LEMD1: variants seen among roughly 807,000 people sequenced by gnomAD.
LEMD1 encodes LEM domain-containing protein 1.
A neutral mutation model predicts 17.4 loss-of-function variants in LEMD1; 18 were observed. The ratio of observed to expected loss-of-function variants is 1.04; its 90% confidence interval spans 0.72 to 1.54. The LOEUF (loss-of-function observed/expected upper bound fraction) is 1.54. Ranked by LOEUF, LEMD1 falls within the 40% of genes most tolerant of loss-of-function variation. The pLI, the probability that LEMD1 is intolerant of heterozygous loss-of-function variation, is 0.00. For synonymous variants in LEMD1, 88 were observed against 77.8 expected (o/e 1.13, Z -0.69); for missense variants, 195 against 210.4 (o/e 0.93, Z 0.45).
At chr1:205,402,614 G>T (rs1483054086) in intron 4 of LEMD1, among the ~76,000 whole-genome samples, 1 of 152,166 alleles carries the variant, frequency 6.6e-6, no homozygotes, top group Non-Finnish European at 1.5e-5. Context: ...AGACAATGGG[G>T]TGTTCTAGAT....
intron 1 of LEMD1, among the ~76,000 whole-genome samples, chr1:205,444,346 G>A (rs1051421204): frequency 8.6e-5 from 13 of 152,036 alleles, no homozygotes; most frequent in Non-Finnish European, 1.9e-4. Context: ...GTCCAAGATG[G>A]TTTACGGTCT....
At chr1:205,411,240 A>AAAGG (rs1367135076) in intron 4 of LEMD1, among the ~76,000 whole-genome samples, 13 of 148,538 alleles carry the variant, frequency 8.8e-5, no homozygotes, top group East Asian at 2.0e-4. Context: ...GGAGGGAGGG[A>AAAGG]AAGGAAGGAA....
chr1:205,435,128 G>T (rs1666184353), intron 1 of LEMD1: 1 of 152,236 alleles, frequency 6.6e-6, no homozygotes. Context: ...GATATAGATT[G>T]CTACTTTACA....
chr1:205,389,291 C>T (rs1004836481), intron 4 of LEMD1, among the ~76,000 whole-genome samples: 2 of 151,978 alleles, frequency 1.3e-5, no homozygotes, highest in South Asian at 4.2e-4. Context: ...TTAAGTGATC[C>T]ACCCACCTCA....
At chr1:205,418,596 A>G (rs1371220579) in intron 3 of LEMD1, among the ~76,000 whole-genome samples, 1 of 151,888 alleles carries the variant, frequency 6.6e-6, no homozygotes, top group African/African-American at 2.4e-5. Context: ...GCTCACTGCA[A>G]CCTCCGCCTC....
chr1:205,413,744 C>G (rs962826680), intron 4 of LEMD1, among the ~76,000 whole-genome samples: 1 of 151,516 alleles, frequency 6.6e-6, no homozygotes, highest in African/African-American at 2.4e-5. Context: ...CCTCTGCCTC[C>G]CGAGTTCAAG....
chr1:205,433,122 T>C (rs1369531683), intron 1 of LEMD1, among the ~76,000 whole-genome samples: 2 of 152,234 alleles, frequency 1.3e-5, no homozygotes, highest in African/African-American at 4.8e-5. Context: ...ACTTTGCTTG[T>C]ACTTTAGCTG....
At chr1:205,405,765 G>A (rs915472871) in intron 4 of LEMD1, among the ~76,000 whole-genome samples, 2 of 150,592 alleles carry the variant, frequency 1.3e-5, no homozygotes, top group African/African-American at 4.9e-5. Context: ...TCCTTTGGAG[G>A]AGGAGAGGCG....
At chr1:205,419,094 C>T in intron 3 of LEMD1, 136 bp downstream of exon 3, 1 of 996,396 alleles carries the variant, frequency 1.0e-6, no homozygotes, top group African/African-American at 1.6e-5. Flanking sequence ...GCCTATTTTC[C>T]AGGCTTTCTG....
intron 4 of LEMD1, among the ~76,000 whole-genome samples, chr1:205,392,352 G>A (rs1676671681): frequency 6.7e-6 from 1 of 150,284 alleles, no homozygotes; most frequent in Non-Finnish European, 1.5e-5. Context: ...AGCCTGCGCA[G>A]CAAAGCAAGA....
intron 4 of LEMD1, among the ~76,000 whole-genome samples, chr1:205,406,070 T>C (rs1276133982): frequency 6.6e-6 from 1 of 152,244 alleles, no homozygotes; most frequent in East Asian, 1.9e-4. Context: ...GGAAGTTTTG[T>C]CTCAGAGGAG....
At chr1:205,423,338 T>C (rs765134867), upstream of LEMD1, among the ~76,000 whole-genome samples, 1 of 152,214 alleles carries the variant, frequency 6.6e-6, no homozygotes, top group Non-Finnish European at 1.5e-5. Context: ...ATTGACACAT[T>C]TGTTTCCATC....
chr1:205,428,941 T>A (rs939237119), intron 1 of LEMD1, among the ~76,000 whole-genome samples: 1 of 152,134 alleles, frequency 6.6e-6, no homozygotes, highest in Non-Finnish European at 1.5e-5. Context: ...TGCCCTTCTC[T>A]GAGACAGGGA....
intron 4 of LEMD1, among the ~76,000 whole-genome samples, chr1:205,388,958 C>G (rs959069874): frequency 3.3e-5 from 5 of 150,430 alleles, no homozygotes; most frequent in African/African-American, 1.2e-4. Flanking sequence ...CTACAAAACA[C>G]TGGGCTAACA....
chr1:205,427,808 T>G (rs1288580546), intron 1 of LEMD1, among the ~76,000 whole-genome samples: 1 of 152,220 alleles, frequency 6.6e-6, no homozygotes, highest in Non-Finnish European at 1.5e-5. Flanking sequence ...GAAACTCTCA[T>G]GGCTGATACA....
intron 4 of LEMD1, among the ~76,000 whole-genome samples, chr1:205,399,803 G>C (rs971664863): frequency 3.3e-5 from 5 of 152,160 alleles, no homozygotes; most frequent in Admixed American, 2.0e-4. Flanking sequence ...GAATGAATGA[G>C]TGAGTGAGTG....
intron 4 of LEMD1, among the ~76,000 whole-genome samples, chr1:205,390,485 A>T (rs748989075): frequency 1.3e-5 from 2 of 152,230 alleles, no homozygotes; most frequent in Non-Finnish European, 2.9e-5. Flanking sequence ...ATTTCCTTTA[A>T]AATCAGGACC....
chr1:205,399,859 A>G (rs1664757798), intron 4 of LEMD1, among the ~76,000 whole-genome samples: 1 of 146,498 alleles, frequency 6.8e-6, no homozygotes, highest in Non-Finnish European at 1.6e-5. Flanking sequence ...CTTACAGTAG[A>G]ATGCCAACTA....
intron 4 of LEMD1, among the ~76,000 whole-genome samples, chr1:205,399,213 T>TAA (rs36083021): frequency 3.6e-4 from 51 of 142,466 alleles, no homozygotes; most frequent in South Asian, 8.9e-4. Context: ...AGACTCCATC[T>TAA]AAAAAAAAAA....
Sources: allele counts gnomAD v4.1 joint callset (sites outside exome capture counted in the v4.1 genomes callset), GRCh38; gene constraint gnomAD v4.1.1; transcripts MANE v1.5; gene names NCBI Gene and HGNC (gene_info 2026-07-23, HGNC 2026-07-21).